The following PHF21B variants were observed in gnomAD, a reference collection of about 807,000 sequenced individuals.
PHF21B encodes PHD finger protein 4.
A neutral mutation model predicts 62.2 loss-of-function variants in PHF21B; 22 were observed. That is an observed-to-expected ratio of 0.35 (90% CI 0.25 to 0.51). PHF21B has a LOEUF of 0.51. Among genes scored for constraint, PHF21B ranks in the 20% least tolerant of loss-of-function variants. The pLI, the probability that PHF21B is intolerant of heterozygous loss-of-function variation, is 0.97. For missense variants in PHF21B, 701 were observed against 707.9 expected, an observed-to-expected ratio of 0.99 and a Z score of 0.11; for synonymous variants, 341 against 314.7, an observed-to-expected ratio of 1.08 and a Z score of -0.88.
chr22:45,000,260 C>A (rs919310426), intron 2 of PHF21B, among the ~76,000 whole-genome samples: 2 of 152,174 alleles, frequency 1.3e-5, no homozygotes, highest in African/African-American at 4.8e-5. Context: ...GGCTGGGCCA[C>A]CGGACACCCT....
At chr22:45,003,470 G>A (rs2073256929) in intron 2 of PHF21B, 1 of 152,302 alleles carries the variant, frequency 6.6e-6, no homozygotes, top group Admixed American at 6.5e-5. Flanking sequence ...CGCCGCAGAG[G>A]CAGAAAAGCA....
chr22:44,967,910 G>GC (rs2072560389), intron 2 of PHF21B, among the ~76,000 whole-genome samples: 1 of 152,142 alleles, frequency 6.6e-6, no homozygotes, highest in African/African-American at 2.4e-5. Context: ...CTCTTAGTGG[G>GC]ATGTGTCTGT....
Position 44,990,061 on chromosome 22 carries a change from T to C in PHF21B, c.120+18484A>G, listed in dbSNP as rs573942375. On this transcript the variant is annotated intron_variant, in intron 2 of 12. Transcript: ENST00000313237. Reference sequence around the variant, plus strand: ...CTGCCGCTGCCTCCACTTCCACCCATGCCCGTGTCCCCTGGGCAGAGGCCT... The same window carrying C: ...CTGCCGCTGCCTCCACTTCCACCCACGCCCGTGTCCCCTGGGCAGAGGCCT... Among the ~76,000 whole-genome samples the C allele has an allele frequency of 2.6e-4, 39 of 152,308 alleles. 1 individual carries two copies. The highest frequency in any genetic ancestry group is 8.7e-4 in the African/African-American group (36 of 41,578).
intron 4 of PHF21B, among the ~76,000 whole-genome samples, chr22:44,915,926 T>C (rs980327630): frequency 6.6e-6 from 1 of 152,256 alleles, no homozygotes; most frequent in African/African-American, 2.4e-5. Flanking sequence ...GTATCTCTTC[T>C]AGTCACTCAT....
At chr22:44,995,050 A>C (rs189008529) in intron 2 of PHF21B, among the ~76,000 whole-genome samples, 4 of 152,304 alleles carry the variant, frequency 2.6e-5, no homozygotes, top group Admixed American at 6.5e-5. Flanking sequence ...CTTTTTCATC[A>C]ACTAAACAAA....
chr22:45,005,782 G>A (rs2073304186), intron 2 of PHF21B, among the ~76,000 whole-genome samples: 1 of 152,130 alleles, frequency 6.6e-6, no homozygotes, highest in Non-Finnish European at 1.5e-5. Context: ...ATCTCTGGAG[G>A]TGGAGATGGT....
chr22:44,984,461 G>A (rs1419533517), intron 2 of PHF21B, among the ~76,000 whole-genome samples: 1 of 152,170 alleles, frequency 6.6e-6, no homozygotes, highest in Non-Finnish European at 1.5e-5. Flanking sequence ...CAGACTCCTG[G>A]ACCCAGTGGT....
rs1159657607 is a variant in PHF21B at position 44,883,001 on chromosome 22, T to G, written c.*85A>C. On this transcript the variant is annotated 3_prime_UTR_variant, in exon 13 of 13. Transcript: ENST00000313237. ...ATTTTTGTCTGAAATTCATAGTGTT[T>G]ATGAATTAAGGCCGACAGAACCCCC... 7.1e-7 allele frequency: 1 copy of G among 1,415,032 alleles called. No individual in the cohort carries two copies. The highest frequency in any genetic ancestry group is 1.4e-5 in the African/African-American group (1 of 69,928). 87.7% of individuals were successfully genotyped at this position (1,415,032 alleles called of 1,614,324 possible).
At chr22:44,951,592 G>A (rs1443007536) in intron 2 of PHF21B, among the ~76,000 whole-genome samples, 2 of 152,220 alleles carry the variant, frequency 1.3e-5, no homozygotes, top group Non-Finnish European at 2.9e-5. Context: ...ACACCTGTGA[G>A]ATGCATGAAA....
At chr22:44,938,956 G>A (rs1250585733) in intron 2 of PHF21B, among the ~76,000 whole-genome samples, 1 of 152,222 alleles carries the variant, frequency 6.6e-6, no homozygotes, top group Non-Finnish European at 1.5e-5. Flanking sequence ...AGCAGGAGCT[G>A]GTTGAGGACT....
chr22:44,931,238 G>A (rs1220138593), intron 2 of PHF21B, among the ~76,000 whole-genome samples: 1 of 152,192 alleles, frequency 6.6e-6, no homozygotes, highest in Non-Finnish European at 1.5e-5. Context: ...ACTTTCTAAA[G>A]TTCTGACTCC....
intron 2 of PHF21B, chr22:45,000,750 A>G (rs1014412191): frequency 3.9e-5 from 6 of 152,184 alleles, no homozygotes; most frequent in African/African-American, 1.2e-4. Context: ...ACGCTCTCGC[A>G]TGGAAAGATC....
chr22:44,989,479 T>C (rs563658198), intron 2 of PHF21B: 7 of 152,296 alleles, frequency 4.6e-5, no homozygotes, highest in East Asian at 3.9e-4. Flanking sequence ...CAAATGTTAG[T>C]TGTTGTTCAT....
At chr22:44,888,686 G>C (rs184828067) in intron 9 of PHF21B, among the ~76,000 whole-genome samples, 1 of 152,232 alleles carries the variant, frequency 6.6e-6, no homozygotes, top group Admixed American at 6.5e-5. Context: ...AGACCAGAGA[G>C]CTCTCCTCTG....
At chr22:44,938,097 CAG>C (rs1296771486) in intron 2 of PHF21B, among the ~76,000 whole-genome samples, 2 of 152,258 alleles carry the variant, frequency 1.3e-5, no homozygotes, top group Non-Finnish European at 2.9e-5. Flanking sequence ...ATTTTTGAGA[CAG>C]AGTCTCGCTG....
intron 5 of PHF21B, among the ~76,000 whole-genome samples, chr22:44,898,009 A>G (rs5766172): frequency 0.3 from 45,465 of 151,918 alleles, 7,274 homozygotes; most frequent in East Asian, 0.63. Flanking sequence ...AGGTCTTGCT[A>G]TGTTACCCAG....
intron 2 of PHF21B, among the ~76,000 whole-genome samples, chr22:44,977,799 C>T (rs554128081): frequency 6.0e-5 from 9 of 150,432 alleles, no homozygotes; most frequent in Admixed American, 6.0e-4. Flanking sequence ...GTTGCCCAGG[C>T]TGATCTCGAA....
chr22:44,900,889 A>G (rs1435264834), intron 5 of PHF21B, among the ~76,000 whole-genome samples: 1 of 151,666 alleles, frequency 6.6e-6, no homozygotes, highest in Non-Finnish European at 1.5e-5. Context: ...TTCCCCCTGG[A>G]GCACACATCA....
chr22:44,965,702 C>T (rs2072512171), intron 2 of PHF21B, among the ~76,000 whole-genome samples: 1 of 152,184 alleles, frequency 6.6e-6, no homozygotes, highest in African/African-American at 2.4e-5. Context: ...GGTATCTGAC[C>T]TGGGAACAGT....
Sources: gnomAD v4.1 joint callset for allele counts (sites outside exome capture counted in the v4.1 genomes callset) on GRCh38, gnomAD v4.1.1 for gene constraint, MANE v1.5 for transcripts, NCBI Gene and HGNC (gene_info 2026-07-23, HGNC 2026-07-21) for gene names.